SENP2: variants seen among roughly 807,000 people sequenced by gnomAD.
SENP2 encodes sentrin-specific protease 2.
Under a neutral mutation model 86.3 loss-of-function variants are expected in SENP2, and 16 were observed. That is an observed-to-expected ratio of 0.19 (90% CI 0.13 to 0.28). The LOEUF is 0.28. Ranked by LOEUF, SENP2 falls within the 10% of genes least tolerant of loss-of-function variation. The pLI is 1.00. For synonymous variants in SENP2, 222 were observed against 238.7 expected (o/e 0.93, Z 0.64); for missense variants, 552 against 703.0 (o/e 0.79, Z 2.43).
chr3:185,607,636 A>G (rs1438081473), intron 6 of SENP2, among the ~76,000 whole-genome samples: 1 of 151,852 alleles, frequency 6.6e-6, no homozygotes, highest in African/African-American at 2.4e-5. Context: ...GGCCAAGATT[A>G]GATTCTTTTT....
At chr3:185,624,428 G>A (rs1262614400) in intron 15 of SENP2, among the ~76,000 whole-genome samples, 2 of 152,102 alleles carry the variant, frequency 1.3e-5, no homozygotes, top group Admixed American at 1.3e-4. Flanking sequence ...ACATATGCTT[G>A]CATGTCTCTC....
At chr3:185,616,045 T>C (rs1046791272) in intron 11 of SENP2, among the ~76,000 whole-genome samples, 1 of 151,344 alleles carries the variant, frequency 6.6e-6, no homozygotes, top group Non-Finnish European at 1.5e-5. Context: ...GTATTTTTAG[T>C]AGAGATGGGG....
At chr3:185,627,625 C>A (rs1232584588) in intron 16 of SENP2, among the ~76,000 whole-genome samples, 2 of 152,102 alleles carry the variant, frequency 1.3e-5, no homozygotes, top group Non-Finnish European at 2.9e-5. Flanking sequence ...GTTGGCCAGG[C>A]TGGTCTCGAA....
At chr3:185,592,007 A>ATTTCTTTTTTTTTTTTT (rs1722017623) in intron 2 of SENP2, among the ~76,000 whole-genome samples, 1 of 35,082 alleles carries the variant, frequency 2.9e-5, no homozygotes, top group Non-Finnish European at 5.7e-5. Context: ...AACCGGTAAT[A>ATTTCTTTTTTTTTTTTT]TTTCTTTTTT....
At chr3:185,588,520 A>G (rs373183850) in intron 1 of SENP2, among the ~76,000 whole-genome samples, 3 of 152,214 alleles carry the variant, frequency 2.0e-5, no homozygotes, top group African/African-American at 7.2e-5. Context: ...TTAAGCCTCA[A>G]TATCAAGAAA....
intron 7 of SENP2, among the ~76,000 whole-genome samples, chr3:185,611,029 G>A (rs1037293228): frequency 1.9e-4 from 29 of 151,304 alleles, no homozygotes; most frequent in South Asian, 2.1e-4. Flanking sequence ...TAATCCCAGC[G>A]CTTTGGGAGG....
At chr3:185,589,186 C>T (rs752805652) in intron 1 of SENP2, among the ~76,000 whole-genome samples, 3 of 151,930 alleles carry the variant, frequency 2.0e-5, no homozygotes, top group Non-Finnish European at 2.9e-5. Context: ...AAACTTTCCT[C>T]AATTCCAAAG....
intron 5 of SENP2, among the ~76,000 whole-genome samples, chr3:185,605,383 A>AT (rs1447719559): frequency 6.6e-6 from 1 of 152,078 alleles, no homozygotes; most frequent in Non-Finnish European, 1.5e-5. Flanking sequence ...AAAAAAAAGA[A>AT]TAAGGGCATT....
intron 6 of SENP2, 34 bp from the exon 7 acceptor site, chr3:185,609,213 C>G: frequency 6.9e-7 from 1 of 1,449,104 alleles, no homozygotes; most frequent in South Asian, 1.2e-5. Context: ...ATTTAATGTG[C>G]TGGTACTTAT....
chr3:185,592,619 C>CTTT (rs34907174), intron 2 of SENP2, among the ~76,000 whole-genome samples: 1 of 142,308 alleles, frequency 7.0e-6, no homozygotes, highest in Non-Finnish European at 1.5e-5. Context: ...ACAGGGTCTC[C>CTTT]TTTTTTTTTT....
chr3:185,612,693 A>AAT, intron 9 of SENP2, 35 bp downstream of exon 9: 1 of 1,453,068 alleles, frequency 6.9e-7, no homozygotes, highest in Non-Finnish European at 9.6e-7. Flanking sequence ...ACTTTCTTTT[A>AAT]ATATATATTT....
intron 7 of SENP2, among the ~76,000 whole-genome samples, chr3:185,610,001 C>T (rs1722632777): frequency 6.6e-6 from 1 of 151,982 alleles, no homozygotes; most frequent in South Asian, 2.1e-4. Flanking sequence ...GATATTTGGC[C>T]TTGTATTTGC....
chr3:185,595,047 AAG>A (rs1307203395), intron 2 of SENP2, among the ~76,000 whole-genome samples: 3 of 152,154 alleles, frequency 2.0e-5, no homozygotes, highest in African/African-American at 7.2e-5. Context: ...TTAAAGGTGA[AAG>A]AGATTTTAAG....
At position 185,586,367 on chromosome 3, in the gene SENP2, G is replaced by T. The variant is rs746547499; in HGVS notation, c.-47G>T. On this transcript the variant is annotated 5_prime_UTR_variant, in exon 1 of 17. Transcript: ENST00000296257. The surrounding 1 kb of genome is among the most constrained non-coding windows in gnomAD (Gnocchi z 4.3). ...CGGCAGCGGCGGCGACAGCTCTGGG[G>T]TTTGCGTCTCGGGGTGTGTCGGCCG... The T allele has an allele frequency of 1.2e-6, 2 of 1,611,650 alleles. No individual in the cohort carries two copies. The highest frequency in any genetic ancestry group is 2.2e-5 in the South Asian group (2 of 91,062).
At chr3:185,591,453 A>G (rs562321720) in intron 2 of SENP2, among the ~76,000 whole-genome samples, 2 of 150,200 alleles carry the variant, frequency 1.3e-5, no homozygotes, top group Admixed American at 1.3e-4. Context: ...CCGGGTTCAC[A>G]CCATTCTCCT....
intron 16 of SENP2, 86 bp downstream of exon 16, chr3:185,626,479 A>G (rs1289811044): frequency 1.0e-5 from 9 of 896,394 alleles, no homozygotes; most frequent in South Asian, 1.6e-5. Context: ...TCAGCTCTCA[A>G]TAGTAGTAGC....
chr3:185,605,593 CTT>C (rs1443865088), intron 5 of SENP2, among the ~76,000 whole-genome samples: 4 of 150,086 alleles, frequency 2.7e-5, no homozygotes, highest in African/African-American at 7.3e-5. Context: ...CTTGCCCTTT[CTT>C]TGTGTTCATT....
At chr3:185,610,789 C>G (rs1722663204) in intron 7 of SENP2, among the ~76,000 whole-genome samples, 1 of 151,438 alleles carries the variant, frequency 6.6e-6, no homozygotes, top group Non-Finnish European at 1.5e-5. Context: ...AACCCCATCT[C>G]TACTAAAAAA....
In SENP2 at chr3:185,592,010, TC is replaced by T. The variant is rs1372274695; in HGVS notation, c.157+1842del. ...CCTGTCTTTAAGAACCGGTAATATT[TC>T]TTTTTTTTTTTTTTTTTTTTTTTGA... On this transcript the variant is annotated intron_variant, in intron 2 of 16. Coordinates refer to ENST00000296257, the MANE Select transcript of SENP2 (RefSeq NM_021627.3). Among the ~76,000 whole-genome samples, 192 of 112,614 alleles carry T rather than the reference TC, an allele frequency of 1.7e-3. 4 individuals carry two copies. The highest frequency in any genetic ancestry group is 9.5e-3 in the South Asian group (22 of 2,326). The allele number at this position is 112,614 out of a possible 152,430, so 73.9% of individuals were successfully genotyped here.
Sources: gnomAD v4.1 joint callset for allele counts (sites outside exome capture counted in the v4.1 genomes callset) on GRCh38, gnomAD v4.1.1 for gene constraint, Gnocchi (gnomAD v3.1) non-coding constraint, MANE v1.5 for transcripts, NCBI Gene and HGNC (gene_info 2026-07-23, HGNC 2026-07-21) for gene names.